Variants in STAT2 observed in about 807,000 individuals in gnomAD.
The protein encoded by STAT2 is signal transducer and activator of transcription 2, also known as interferon alpha induced transcriptional activator.
Under a neutral mutation model 122.3 loss-of-function variants are expected in STAT2, and 51 were observed. That is an observed-to-expected ratio of 0.42 (90% CI 0.33 to 0.53). The LOEUF (loss-of-function observed/expected upper bound fraction) is 0.53. STAT2 is among the 20% of genes least tolerant of loss of function. The pLI is 0.10. For missense variants in STAT2, 736 were observed against 1,010.3 expected (o/e 0.73, Z 3.68); for synonymous variants, 351 against 394.9 (o/e 0.89, Z 1.32).
chr12:56,355,115 G>T, intron 6 of STAT2, 161 bp downstream of exon 6: 1 of 831,802 alleles, frequency 1.2e-6, no homozygotes, highest in Non-Finnish European at 1.9e-6. Flanking sequence ...CTCCAGCTCA[G>T]CCTCCACAAA....
At position 56,342,515 on chromosome 12, in the gene STAT2, AG is replaced by A. The variant is rs768266946; in HGVS notation, c.*873del. The A allele has an allele frequency of 6.6e-6, 1 of 151,880 alleles. No individual in the cohort carries two copies. Among genetic ancestry groups the A allele is most frequent in the Non-Finnish European group, 1.5e-5 (1 of 68,036 alleles). The allele number at this position is 151,880 out of a possible 1,614,324, so 9.4% of individuals were successfully genotyped here. ...TGAGGTAGGAGGATTGCTTGAACCC[AG>A]GAGGTTGAGGCTGCAGTGAGCTGTG... On this transcript the variant is annotated 3_prime_UTR_variant, in exon 24 of 24. Coordinates refer to ENST00000314128, the MANE Select transcript of STAT2 (RefSeq NM_005419.4).
Position 56,343,465 on chromosome 12 carries a change from T to G in STAT2, c.2480A>C (p.Asn827Thr). The change falls in exon 24 of 24, where the codon AAC becomes ACC. Residue 827 changes from asparagine (N) to threonine (T), a missense_variant. By Grantham distance (65) the Asn-to-Thr change is moderately conservative (BLOSUM62 0). Coordinates refer to ENST00000314128, the MANE Select transcript of STAT2 (RefSeq NM_005419.4). ...GGAGACGTAAACCTCATCCACGGTG[T>G]TCTGGCCAGCCAACAGTGGGTCACC... ...PNGDPLLAGQ[N>T]TVDEVYVSRP... is the part of the protein sequence containing the mutation. The G allele has an allele frequency of 1.2e-6, 2 of 1,614,174 alleles. No individual in the cohort carries two copies. The highest frequency in any genetic ancestry group is 1.7e-6 in the Non-Finnish European group (2 of 1,180,028).
At chr12:56,354,640 G>C in intron 7 of STAT2, 26 bp from the exon 8 acceptor site, 1 of 1,613,836 alleles carries the variant, frequency 6.2e-7, no homozygotes, top group South Asian at 1.1e-5. Context: ...TGTGAGTGTT[G>C]AGCATCTCTC....
rs367900179 is a variant in STAT2, at chr12:56,351,336, T to C, written c.897A>G (p.Leu299=). ...QDDPLTKGVD[L]RNAQVTELLQ... is the part of the protein sequence containing the mutation. ...GCAACTCTGTGACCTGGGCGTTGCGTAGGTCCACCCCTTTGGTCAGAGGGT... is the reference window on the plus strand; with the variant it reads ...GCAACTCTGTGACCTGGGCGTTGCGCAGGTCCACCCCTTTGGTCAGAGGGT... The change falls in exon 9 of 24, where the codon CTA becomes CTG. Residue 299 remains leucine (L), a synonymous_variant. Coordinates refer to ENST00000314128, the MANE Select transcript of STAT2 (RefSeq NM_005419.4). 4.3e-6 allele frequency: 7 copies of C among 1,614,080 alleles called. No homozygotes were observed. The highest frequency in any genetic ancestry group is 1.1e-5 in the South Asian group (1 of 91,086).
intron 22 of STAT2, 72 bp downstream of exon 22, chr12:56,346,074 C>A (rs886297637): frequency 1.4e-6 from 2 of 1,431,166 alleles, no homozygotes; most frequent in East Asian, 2.4e-5. Flanking sequence ...GAAGGTAATG[C>A]CCCCTTTTGA....
chr12:56,343,764 A>C, intron 23 of STAT2, 61 bp downstream of exon 23: 1 of 1,590,314 alleles, frequency 6.3e-7, no homozygotes, highest in Non-Finnish European at 8.6e-7. Context: ...GTAATGGGAG[A>C]GGGAGAAGAG....
intron 11 of STAT2, 138 bp from the exon 12 acceptor site, chr12:56,350,570 CA>C (rs1878307946): frequency 2.4e-6 from 2 of 816,898 alleles, no homozygotes; most frequent in Non-Finnish European, 3.8e-6. Context: ...GAGATGTAAT[CA>C]GTCTCTCTAA....
intron 13 of STAT2, 22 bp downstream of exon 13, chr12:56,350,075 A>G (rs1369187752): frequency 3.2e-6 from 5 of 1,581,096 alleles, no homozygotes; most frequent in Non-Finnish European, 3.5e-6. Context: ...TAATAAAAGC[A>G]TAGGTCACAA....
chr12:56,351,554 G>T, intron 8 of STAT2, 104 bp from the exon 9 acceptor site: 3 of 1,218,516 alleles, frequency 2.5e-6, no homozygotes, highest in South Asian at 3.1e-5. Context: ...GAAACTGACT[G>T]GGGGGAAGAA....
chr12:56,354,040 T>TATATATATATATATATATATAA (rs1157971570), intron 8 of STAT2, among the ~76,000 whole-genome samples: 2 of 53,358 alleles, frequency 3.7e-5, no homozygotes, highest in African/African-American at 1.1e-4. Context: ...TATATATATA[T>TATATATATATATATATATATAA]AAAAAATACT....
chr12:56,355,788 G>C lies in STAT2; in HGVS notation c.301C>G (p.Pro101Ala). Reference protein sequence around the residue: ...CRDIQPFSQDPTQLAEMIFNL... With the variant: ...CRDIQPFSQDATQLAEMIFNL... Reference sequence around the variant, plus strand: ...AAGATCATCTCAGCCAACTGGGTAGGATCCTGGGAAAAGGGCTAGAATAGG... The same window carrying C: ...AAGATCATCTCAGCCAACTGGGTAGCATCCTGGGAAAAGGGCTAGAATAGG... The change falls in exon 4 of 24, where the codon CCT becomes GCT. Residue 101 changes from proline to alanine, a missense_variant. Pro to Ala is a conservative substitution (Grantham distance 27). Transcript: ENST00000314128. 1 of 1,614,094 alleles carries C rather than the reference G, an allele frequency of 6.2e-7. No homozygotes were observed. The highest frequency in any genetic ancestry group is 8.5e-7 in the Non-Finnish European group (1 of 1,179,982).
intron 18 of STAT2, 25 bp from the exon 19 acceptor site, chr12:56,348,648 A>G (rs754063093): frequency 6.2e-7 from 1 of 1,614,190 alleles, no homozygotes; most frequent in Non-Finnish European, 8.5e-7. Flanking sequence ...GAAAGGTAGC[A>G]AAAGCTGAGG....
Position 56,349,592 on chromosome 12 carries a change from A to G in STAT2, c.1254T>C (p.Asn418=). The G allele has an allele frequency of 1.2e-6, 2 of 1,614,030 alleles. No homozygotes were observed. The highest frequency in any genetic ancestry group is 1.7e-6 in the Non-Finnish European group (2 of 1,180,018). Reference sequence around the variant, plus strand: ...GAGTCCTCTGTCCAGATCTCACCTTATTGCTGCCCTTTCCTGAACCACCTG... The same window carrying G: ...GAGTCCTCTGTCCAGATCTCACCTTGTTGCTGCCCTTTCCTGAACCACCTG... ...QRSGGSGKGS[N]KGPLGVTEEL... The change falls in exon 14 of 24, where the codon AAT becomes AAC. Residue 418 remains asparagine, a synonymous_variant. Coordinates refer to ENST00000314128, the MANE Select transcript of STAT2 (RefSeq NM_005419.4).
intron 4 of STAT2, 87 bp downstream of exon 4, chr12:56,355,621 A>T: frequency 6.3e-7 from 1 of 1,597,002 alleles, no homozygotes; most frequent in Non-Finnish European, 8.6e-7. Context: ...TGTCGGGGGG[A>T]TCCTGTTCTG....
chr12:56,346,162 T>C lies in STAT2; in HGVS notation c.2086A>G (p.Ile696Val). The stretch of plus-strand genomic sequence containing the variant: ...ATATCTCACCTATTAGAGACCACAA[T>C]GAGCCTGTGTTTCAGGTATTTCCTC... The part of the protein sequence containing the change: ...ERRKYLKHRL[I>V]VVSNRQVDEL... The change falls in exon 22 of 24, where the codon ATT becomes GTT. Residue 696 changes from isoleucine to valine, a missense_variant. Coordinates refer to ENST00000314128, the MANE Select transcript of STAT2 (RefSeq NM_005419.4). 1 of 1,614,164 alleles carries C rather than the reference T, an allele frequency of 6.2e-7. No individual in the cohort carries two copies. Among genetic ancestry groups the C allele is most frequent in the Non-Finnish European group, 8.5e-7 (1 of 1,180,026 alleles).
chr12:56,348,370 A>G (rs1367490024), intron 19 of STAT2, among the ~76,000 whole-genome samples, 159 bp downstream of exon 19: 1 of 151,808 alleles, frequency 6.6e-6, no homozygotes, highest in South Asian at 2.1e-4. Flanking sequence ...TACAGGTGTG[A>G]GCCACCACAC....
At position 56,346,529 on chromosome 12, in the gene STAT2, C is replaced by T; in HGVS notation, c.1957G>A (p.Glu653Lys). 1 of 1,614,192 alleles carries T rather than the reference C, an allele frequency of 6.2e-7. No individual in the cohort carries two copies. The highest frequency in any genetic ancestry group is 8.5e-7 in the Non-Finnish European group (1 of 1,180,032). Residue 653 changes from glutamate to lysine, a missense_variant, in exon 21 of 24, where the codon GAG becomes AAG. By Grantham distance (56) the Glu-to-Lys change is moderately conservative. Coordinates refer to ENST00000314128, the MANE Select transcript of STAT2 (RefSeq NM_005419.4). ...AGTGGGTTTTCAGGTATATTCTCCT[C>T]AGTGAGCAACTGGTAATGGCGGATG... ...EIIRHYQLLT[E>K]ENIPENPLRF...
chr12:56,348,582 C>A lies in STAT2; in HGVS notation c.1671G>T (p.Leu557=). The change falls in exon 19 of 24, where the codon CTG becomes CTT. Residue 557 remains leucine, a synonymous_variant. Coordinates refer to ENST00000314128, the MANE Select transcript of STAT2 (RefSeq NM_005419.4). ...CATGTACCAACTCCAGAATTTTGTC[C>A]AGCCATGTCCAGAATGGTAACTTGC... ...PPGKLPFWTW[L]DKILELVHDH... is the part of the protein sequence containing the mutation. 1.2e-6 allele frequency: 2 copies of A among 1,614,168 alleles called. No homozygotes were observed. The highest frequency in any genetic ancestry group is 1.7e-6 in the Non-Finnish European group (2 of 1,180,030).
At chr12:56,343,565 T>C in intron 23 of STAT2, 34 bp from the exon 24 acceptor site, 1 of 1,604,822 alleles carries the variant, frequency 6.2e-7, no homozygotes, top group East Asian at 2.2e-5. Context: ...GAGGCCCCGA[T>C]CTTAGTTAGG....
Sources: allele counts gnomAD v4.1 joint callset (sites outside exome capture counted in the v4.1 genomes callset), GRCh38; gene constraint gnomAD v4.1.1; transcripts MANE v1.5; gene names NCBI Gene and HGNC (gene_info 2026-07-23, HGNC 2026-07-21).